Variants in MALRD1 observed in about 807,000 individuals in gnomAD.
MALRD1 encodes the protein MAM and LDL receptor class A domain containing 1, also known as MAM and LDL-receptor class A domain-containing protein 1.
In MALRD1, 247 loss-of-function variants were observed where a neutral mutation model predicts 242.1. That is an observed-to-expected ratio of 1.02 (90% CI 0.92 to 1.13). The LOEUF (loss-of-function observed/expected upper bound fraction) is 1.13. Ranked by LOEUF, MALRD1 falls within the 50% of genes most tolerant of loss-of-function variation. The pLI is 0.00. For missense variants in MALRD1, 2,989 were observed against 2,533.1 expected (o/e 1.18, Z -3.86); for synonymous variants, 995 against 866.6 (o/e 1.15, Z -2.60).
At chr10:19,695,080 G>T (rs896940686) in intron 38 of MALRD1, among the ~76,000 whole-genome samples, 1 of 152,058 alleles carries the variant, frequency 6.6e-6, no homozygotes, top group African/African-American at 2.4e-5. Context: ...CATGGGGTGG[G>T]GCTAGTGGGG....
chr10:19,138,981 G>A (rs957402831), intron 10 of MALRD1, among the ~76,000 whole-genome samples: 3 of 152,044 alleles, frequency 2.0e-5, no homozygotes, highest in East Asian at 1.9e-4. Context: ...AGTCTTTTAA[G>A]TTTTTAAATA....
intron 36 of MALRD1, among the ~76,000 whole-genome samples, chr10:19,687,610 AC>A (rs1352153658): frequency 1.3e-5 from 2 of 152,160 alleles, no homozygotes; most frequent in Admixed American, 1.3e-4. Context: ...CTATAAAAAT[AC>A]CCAACACACC....
At chr10:19,613,943 G>A (rs1048368412) in intron 35 of MALRD1, among the ~76,000 whole-genome samples, 7 of 151,774 alleles carry the variant, frequency 4.6e-5, no homozygotes, top group Admixed American at 2.6e-4. Context: ...CTCCCCAAAC[G>A]TGACCGAAGT....
chr10:19,147,440 G>C (rs1428115361), intron 11 of MALRD1, among the ~76,000 whole-genome samples: 1 of 152,128 alleles, frequency 6.6e-6, no homozygotes, highest in African/African-American at 2.4e-5. Context: ...TTTGTGCCAT[G>C]ACTCATTTCT....
At chr10:19,311,117 G>A (rs917901019) in intron 21 of MALRD1, among the ~76,000 whole-genome samples, 10 of 151,444 alleles carry the variant, frequency 6.6e-5, no homozygotes, top group Non-Finnish European at 1.0e-4. Context: ...AAGAGATACA[G>A]TAACAATAAT....
chr10:19,469,465 G>A (rs1400034648), intron 29 of MALRD1, among the ~76,000 whole-genome samples: 1 of 152,080 alleles, frequency 6.6e-6, no homozygotes, highest in African/African-American at 2.4e-5. Flanking sequence ...TTGTATGCTT[G>A]CTCTTTTCTG....
intron 28 of MALRD1, among the ~76,000 whole-genome samples, chr10:19,423,358 G>C (rs1833784574): frequency 6.6e-6 from 1 of 151,462 alleles, no homozygotes; most frequent in Non-Finnish European, 1.5e-5. Flanking sequence ...TTTTAAGGTA[G>C]ACTATTTCCC....
chr10:19,566,216 C>T (rs2131457302), intron 32 of MALRD1, among the ~76,000 whole-genome samples: 1 of 151,990 alleles, frequency 6.6e-6, no homozygotes, highest in South Asian at 2.1e-4. Context: ...GCAAACTCCA[C>T]TTCCCGGGTT....
At chr10:19,730,458 G>T (rs2131939966) in intron 38 of MALRD1, 1 of 519,876 alleles carries the variant, frequency 1.9e-6, no homozygotes, top group Non-Finnish European at 3.5e-6. Flanking sequence ...TCTTTTATTT[G>T]CCTGAGTTTA....
At chr10:19,116,657 C>G (rs184085482) in intron 5 of MALRD1, among the ~76,000 whole-genome samples, 76 of 152,250 alleles carry the variant, frequency 5.0e-4, no homozygotes, top group African/African-American at 1.6e-3. Flanking sequence ...ATGGCAGGCC[C>G]TAGACATGTG....
At chr10:19,502,979 A>T (rs1049750728) in intron 31 of MALRD1, among the ~76,000 whole-genome samples, 1 of 152,176 alleles carries the variant, frequency 6.6e-6, no homozygotes, top group Non-Finnish European at 1.5e-5. Context: ...GTGTATGTTC[A>T]TCAAAGATCA....
rs1479876980 is a variant in MALRD1 at position 19,257,914 on chromosome 10, A to T, written c.3079+143A>T. ...TTCTCAAAACTATTAACTCTGGAAA[A>T]GATTTTTTTAGATCCTTGCTAGTAA... On this transcript the variant is annotated intron_variant, in intron 19 of 39. Transcript: ENST00000454679. 4 of 525,478 alleles carry T rather than the reference A, an allele frequency of 7.6e-6. No individual in the cohort carries two copies. In the African/African-American group the frequency reaches 7.8e-5, roughly 10 times the overall value. The allele number at this position is 525,478 out of a possible 1,614,324, so 32.6% of individuals were successfully genotyped here. A position where few individuals can be genotyped will look rare whatever the true frequency, so the allele number is the denominator to read the frequency against.
chr10:19,485,067 T>G (rs1269108932), intron 29 of MALRD1, among the ~76,000 whole-genome samples: 1 of 152,102 alleles, frequency 6.6e-6, no homozygotes, highest in Non-Finnish European at 1.5e-5. Flanking sequence ...GTGAAGTAAC[T>G]CAGGAATGGA....
At chr10:19,453,485 T>C (rs1362162433) in intron 29 of MALRD1, among the ~76,000 whole-genome samples, 1 of 152,206 alleles carries the variant, frequency 6.6e-6, no homozygotes, top group African/African-American at 2.4e-5. Flanking sequence ...CATTAAATGT[T>C]ATATGGCTAA....
chr10:19,627,771 A>G (rs1259385301), intron 36 of MALRD1, among the ~76,000 whole-genome samples: 1 of 150,022 alleles, frequency 6.7e-6, no homozygotes, highest in African/African-American at 2.5e-5. Context: ...AAAAAAAAAA[A>G]AAAAAAAGGA....
intron 29 of MALRD1, among the ~76,000 whole-genome samples, chr10:19,457,351 A>T (rs1045779672): frequency 5.3e-5 from 8 of 152,186 alleles, no homozygotes; most frequent in Admixed American, 5.2e-4. Context: ...CAGAATCCTC[A>T]TAAACTAATT....
chr10:19,330,733 G>A (rs1299710867), intron 23 of MALRD1, among the ~76,000 whole-genome samples: 1 of 152,036 alleles, frequency 6.6e-6, no homozygotes, highest in Non-Finnish European at 1.5e-5. Context: ...CATTCTTCCT[G>A]ATTCTACTGA....
At chr10:19,344,059 C>A (rs979814292) in intron 24 of MALRD1, among the ~76,000 whole-genome samples, 2 of 152,018 alleles carry the variant, frequency 1.3e-5, no homozygotes, top group Non-Finnish European at 2.9e-5. Context: ...GGGTATAAGT[C>A]TTTTAACAGA....
At chr10:19,688,560 C>T (rs1842695348) in intron 36 of MALRD1, among the ~76,000 whole-genome samples, 1 of 152,130 alleles carries the variant, frequency 6.6e-6, no homozygotes, top group Non-Finnish European at 1.5e-5. Context: ...CATGCCCAGC[C>T]CTAATGATTC....
Sources: allele counts gnomAD v4.1 joint callset (sites outside exome capture counted in the v4.1 genomes callset), GRCh38; gene constraint gnomAD v4.1.1; transcripts MANE v1.5; gene names NCBI Gene and HGNC (gene_info 2026-07-23, HGNC 2026-07-21).